PNLIPRP3: variants seen among roughly 807,000 people sequenced by gnomAD.
The protein encoded by PNLIPRP3 is pancreatic lipase-related protein 3.
In PNLIPRP3, 58 loss-of-function variants were observed where a neutral mutation model predicts 52.8. The ratio of observed to expected loss-of-function variants is 1.10; its 90% CI spans 0.89 to 1.37. The LOEUF (loss-of-function observed/expected upper bound fraction) is 1.37. Ranked by LOEUF, PNLIPRP3 falls within the 40% of genes most tolerant of loss-of-function variation. The pLI is 0.00. For synonymous variants in PNLIPRP3, 192 were observed against 185.0 expected (o/e 1.04, Z -0.31); for missense variants, 593 against 561.6 (o/e 1.06, Z -0.57).
chr10:116,463,482 G>A (rs1431483), intron 7 of PNLIPRP3, among the ~76,000 whole-genome samples: 150,732 of 152,276 alleles, frequency 0.99, 74,634 homozygotes, highest in East Asian at 1. Context: ...CTGGGTTTCA[G>A]GACAGTAAGA....
intron 4 of PNLIPRP3, among the ~76,000 whole-genome samples, chr10:116,454,222 G>T (rs567476358): frequency 6.6e-6 from 1 of 152,128 alleles, no homozygotes; most frequent in South Asian, 2.1e-4. Context: ...GGGTTCAAGT[G>T]ATTCTCCTGC....
At chr10:116,428,082 T>C (rs778684399) in intron 1 of PNLIPRP3, 21 bp downstream of exon 1, 10 of 1,544,544 alleles carry the variant, frequency 6.5e-6, no homozygotes, top group Non-Finnish European at 8.9e-6. Flanking sequence ...TAATTTATAA[T>C]AAGTTCTTTA....
intron 10 of PNLIPRP3, among the ~76,000 whole-genome samples, chr10:116,473,809 C>A (rs1379366362): frequency 6.6e-6 from 1 of 152,072 alleles, no homozygotes; most frequent in Non-Finnish European, 1.5e-5. Context: ...GCCTGAGCCA[C>A]CGCACCTGGC....
rs533675236 is a variant in PNLIPRP3 at position 116,465,340 on chromosome 10, T to C, written c.809-710T>C. 2.0e-5 allele frequency among the ~76,000 whole-genome samples: 3 copies of C among 152,110 alleles called. No homozygotes were observed. The South Asian group carries it at 6.2e-4, about 32-fold the overall frequency. Reference sequence around the variant, plus strand: ...GGATCACGAGGTCAGATCAAGACCATCCTGGCTAACATGGTGAAACCCCGT... The same window carrying C: ...GGATCACGAGGTCAGATCAAGACCACCCTGGCTAACATGGTGAAACCCCGT... On this transcript the variant is annotated intron_variant, in intron 7 of 11. Transcript: ENST00000369230.
chr10:116,468,903 G>T (rs1762773996), intron 8 of PNLIPRP3, among the ~76,000 whole-genome samples: 1 of 152,128 alleles, frequency 6.6e-6, no homozygotes, highest in Non-Finnish European at 1.5e-5. Context: ...CAACTAGTAA[G>T]ACTGAACATC....
rs372620371 is a variant in PNLIPRP3 at position 116,461,165 on chromosome 10, C to T, written c.686-3C>T. The stretch of plus-strand genomic sequence containing the variant: ...GCATTTACCCTGTTTTTATTTATTT[C>T]AGGTGTTGGAACCATTGATGCTTGT... On this transcript the variant is annotated splice_region_variant and splice_polypyrimidine_tract_variant and intron_variant, in intron 6 of 11. Transcript: ENST00000369230. The T allele has an allele frequency of 1.4e-5, 22 of 1,614,144 alleles. No homozygotes were observed. In the African/African-American group the frequency reaches 2.8e-4, roughly 21 times the overall value.
chr10:116,471,021 A>G (rs2133157387), intron 9 of PNLIPRP3, among the ~76,000 whole-genome samples: 1 of 152,294 alleles, frequency 6.6e-6, no homozygotes, highest in South Asian at 2.1e-4. Context: ...GAGAAAGAAA[A>G]TTCTTTGGCA....
At chr10:116,470,210 G>A (rs983167109) in intron 9 of PNLIPRP3, among the ~76,000 whole-genome samples, 19 of 152,102 alleles carry the variant, frequency 1.2e-4, no homozygotes, top group Non-Finnish European at 2.6e-4. Context: ...TTGAGAGTGT[G>A]TGTGCACCAT....
chr10:116,476,826 A>G lies in PNLIPRP3; in HGVS notation c.1340+7A>G. 1 of 1,573,154 alleles carries G rather than the reference A, an allele frequency of 6.4e-7. No individual in the cohort carries two copies. The highest frequency in any genetic ancestry group is 1.2e-5 in the South Asian group (1 of 84,238). ...CTGGGAAATATGGATATAAGTAAGT[A>G]TTGCTTTTTCCTTTTCATTTTCGTA... On this transcript the variant is annotated splice_region_variant and intron_variant, in intron 11 of 11. Transcript: ENST00000369230.
rs1367860096 is a variant in PNLIPRP3, at chr10:116,469,207, A to G, written c.950A>G (p.Lys317Arg). Residue 317 changes from lysine to arginine, a missense_variant, in exon 9 of 12, where the codon AAA (lysine) becomes AGA (arginine). Lys to Arg is a conservative substitution (Grantham distance 26, BLOSUM62 2). Coordinates refer to ENST00000369230, the MANE Select transcript of PNLIPRP3 (RefSeq NM_001011709.3). ...CAGGGAAATTGCTTCTTTTGTTCCA[A>G]AGAAGGTTGCCCAACAATGGGTCAT... ...FKAGNCFFCSKEGCPTMGHFA... is the reference protein window; with the variant it reads ...FKAGNCFFCSREGCPTMGHFA... The G allele has an allele frequency of 1.2e-6, 2 of 1,612,068 alleles. No homozygotes were observed. Among genetic ancestry groups the G allele is most frequent in the East Asian group, 4.5e-5 (2 of 44,758 alleles).
At chr10:116,476,869 G>T (rs1361553580) in intron 11 of PNLIPRP3, 50 bp downstream of exon 11, 3 of 1,481,828 alleles carry the variant, frequency 2.0e-6, no homozygotes, top group African/African-American at 1.4e-5. Flanking sequence ...TTTTATAAAT[G>T]GTGTTTAAAC....
intron 10 of PNLIPRP3, among the ~76,000 whole-genome samples, chr10:116,475,660 T>C (rs1303931247): frequency 1.3e-5 from 2 of 152,228 alleles, no homozygotes; most frequent in Non-Finnish European, 2.9e-5. Flanking sequence ...TCAGCAAATA[T>C]GTAGGTGCCT....
At chr10:116,462,520 T>A (rs1321220558) in intron 7 of PNLIPRP3, among the ~76,000 whole-genome samples, 1 of 152,038 alleles carries the variant, frequency 6.6e-6, no homozygotes, top group Non-Finnish European at 1.5e-5. Context: ...TTACAAAGGT[T>A]TAATATTTGC....
intron 9 of PNLIPRP3, among the ~76,000 whole-genome samples, chr10:116,471,047 A>G (rs926632987): frequency 6.6e-6 from 1 of 152,200 alleles, no homozygotes; most frequent in African/African-American, 2.4e-5. Flanking sequence ...TAACTCATGA[A>G]TTAAAATTCC....
chr10:116,431,818 TCA>T (rs1845712722), intron 1 of PNLIPRP3, among the ~76,000 whole-genome samples: 1 of 152,192 alleles, frequency 6.6e-6, no homozygotes, highest in African/African-American at 2.4e-5. Flanking sequence ...TCCTCATTCC[TCA>T]GTCACAGTAG....
At chr10:116,457,372 T>TCTCA (rs1846130698) in intron 5 of PNLIPRP3, among the ~76,000 whole-genome samples, 1 of 151,656 alleles carries the variant, frequency 6.6e-6, no homozygotes, top group East Asian at 1.9e-4. Flanking sequence ...GCTCTCTCTC[T>TCTCA]CACACACACA....
intron 2 of PNLIPRP3, among the ~76,000 whole-genome samples, chr10:116,438,901 T>C (rs529160232): frequency 6.6e-6 from 1 of 152,306 alleles, no homozygotes; most frequent in East Asian, 1.9e-4. Context: ...GAATATTACT[T>C]AGCTTTAAAA....
intron 1 of PNLIPRP3, among the ~76,000 whole-genome samples, chr10:116,431,195 AC>A (rs1845705169): frequency 6.6e-6 from 1 of 151,986 alleles, no homozygotes; most frequent in South Asian, 2.1e-4. Flanking sequence ...GCCACCACTG[AC>A]TTTTATCTAG....
At chr10:116,472,627 C>T (rs775860620) in intron 10 of PNLIPRP3, among the ~76,000 whole-genome samples, 10 of 152,138 alleles carry the variant, frequency 6.6e-5, no homozygotes, top group East Asian at 1.9e-4. Flanking sequence ...GAGATGCATC[C>T]GTTTTATCAC....
Sources: gnomAD v4.1 joint callset for allele counts (sites outside exome capture counted in the v4.1 genomes callset) on GRCh38, gnomAD v4.1.1 for gene constraint, MANE v1.5 for transcripts, NCBI Gene and HGNC (gene_info 2026-07-23, HGNC 2026-07-21) for gene names.